Variants in MEFV observed in about 807,000 individuals in gnomAD.
MEFV encodes the protein MEFV innate immunity regulator, pyrin, also known as pyrin.
MEFV carries 60 observed loss-of-function variants against 62.5 expected under a neutral mutation model. The ratio of observed to expected loss-of-function variants is 0.96; its 90% CI spans 0.78 to 1.19. MEFV has a LOEUF of 1.19. Among genes scored for constraint, MEFV ranks in the 50% most tolerant of loss-of-function variants. The probability of loss-of-function intolerance (pLI) is 0.00; values close to 1 mark genes in which losing one functional copy is unlikely to be tolerated. For synonymous variants in MEFV, 500 were observed against 415.2 expected, an observed-to-expected ratio of 1.20 and a Z score of -2.48; for missense variants, 1,169 against 1,004.5, an observed-to-expected ratio of 1.16 and a Z score of -2.21.
At chr16:3,253,978 T>A (rs903629215) in intron 2 of MEFV, among the ~76,000 whole-genome samples, 180 bp downstream of exon 2, 16 of 151,968 alleles carry the variant, frequency 1.1e-4, no homozygotes, top group African/African-American at 3.9e-4. Context: ...TTTTTTTAAT[T>A]TCGTTTATAG....
chr16:3,243,411 T>C lies in MEFV; in HGVS notation c.2076A>G (p.Ile692Met). Residue 692 changes from isoleucine to methionine, a missense_variant, in exon 10 of 10, where the codon ATA becomes ATG. Coordinates refer to ENST00000219596, the MANE Select transcript of MEFV (RefSeq NM_000243.3). ...LSPENGYWVV[I>M]MMKENEYQAS... ...CCTGGTACTCATTTTCCTTCATCATTATCACCACCCAGTAGCCATTCTCTG... is the reference window on the plus strand; with the variant it reads ...CCTGGTACTCATTTTCCTTCATCATCATCACCACCCAGTAGCCATTCTCTG... 1 of 1,614,148 alleles carries C rather than the reference T, an allele frequency of 6.2e-7. No homozygotes were observed. The highest frequency in any genetic ancestry group is 8.5e-7 in the Non-Finnish European group (1 of 1,180,032).
At chr16:3,247,504 G>A (rs1426605652) in intron 4 of MEFV, 11 of 533,490 alleles carry the variant, frequency 2.1e-5, no homozygotes, top group African/African-American at 3.8e-5. Context: ...AAATTTACAC[G>A]TTGAAGCCCT....
In MEFV at chr16:3,249,551, C is replaced by T. The variant is rs2141671739; in HGVS notation, c.1140G>A (p.Lys380=). The part of the protein sequence containing the change: ...QPLPQCKRHL[K]QVQLLFCEDH... ...CCTCACAGAAGAGCAGCTGGACCTG[C>T]TTCAGGTGGCGCTTACACTGTGGCA... The change falls in exon 3 of 10, where the codon AAG becomes AAA. Residue 380 remains lysine, a synonymous_variant. Transcript: ENST00000219596. 6.2e-7 allele frequency: 1 copy of T among 1,614,240 alleles called. No homozygotes were observed. The highest frequency in any genetic ancestry group is 8.5e-7 in the Non-Finnish European group (1 of 1,180,038).
rs1294106083 is a variant in MEFV at position 3,254,165 on chromosome 16, C to A, written c.903G>T (p.Ser301=). Residue 301 remains serine, a synonymous_variant, in exon 2 of 10, where the codon TCG becomes TCT. Coordinates refer to ENST00000219596, the MANE Select transcript of MEFV (RefSeq NM_000243.3). The part of the protein sequence containing the change: ...LKEGPGNPEH[S]VTGRPPDTAA... ...GGAAAGAACACAATTTACCGGTGAC[C>A]GAATGTTCTGGATTTCCAGGGCCTT... 6.2e-7 allele frequency: 1 copy of A among 1,614,018 alleles called. No homozygotes were observed. Among genetic ancestry groups the A allele is most frequent in the Non-Finnish European group, 8.5e-7 (1 of 1,180,030 alleles).
chr16:3,249,744 T>C lies in MEFV; in HGVS notation c.947A>G (p.His316Arg). ...PPDTAASPRC[H>R]AQEGDPVDGT... The stretch of plus-strand genomic sequence containing the variant: ...GTCAACTGGGTCTCCTTCCTGGGCG[T>C]GGCAGCGGGGACTCGCAGCCGTGTC... The change falls in exon 3 of 10, where the codon CAC becomes CGC. Residue 316 changes from histidine (H) to arginine (R), a missense_variant. Physicochemically the swap from His to Arg is conservative, Grantham distance 29. Transcript: ENST00000219596. 1 of 1,614,094 alleles carries C rather than the reference T, an allele frequency of 6.2e-7. No individual in the cohort carries two copies. Among genetic ancestry groups the C allele is most frequent in the African/African-American group, 1.3e-5 (1 of 75,058 alleles).
chr16:3,244,417 T>C, intron 7 of MEFV, 56 bp downstream of exon 7: 1 of 1,595,802 alleles, frequency 6.3e-7, no homozygotes, highest in Middle Eastern at 1.8e-4. Flanking sequence ...CTGGGCTATG[T>C]GGATCTTAGG....
At position 3,256,551 on chromosome 16, in the gene MEFV, G is replaced by C. The variant is rs139448379; in HGVS notation, c.37C>G (p.Leu13Val). 4.0e-4 allele frequency: 640 copies of C among 1,614,236 alleles called. 10 individuals carry two copies. Among genetic ancestry groups the C allele is most frequent in the Non-Finnish European group, 2.4e-5 (28 of 1,180,044 alleles). ...AAGTCATAGGGCACCAGCTCCTCCA[G>C]GGTGGACAGCAGATGGTCACTAGGG... ...KTPSDHLLSTLEELVPYDFEK... is the reference protein window; with the variant it reads ...KTPSDHLLSTVEELVPYDFEK... The change falls in exon 1 of 10, where the codon CTG (leucine) becomes GTG (valine). Residue 13 changes from leucine (L) to valine (V), a missense_variant. By Grantham distance (32) the Leu-to-Val change is conservative. Coordinates refer to ENST00000219596, the MANE Select transcript of MEFV (RefSeq NM_000243.3).
intron 2 of MEFV, 44 bp from the exon 3 acceptor site, chr16:3,249,824 G>A (rs752517304): frequency 1.3e-6 from 2 of 1,536,828 alleles, no homozygotes; most frequent in East Asian, 4.6e-5. Context: ...GCAAACCCAA[G>A]TTGCTTACAC....
rs1958878182 is a variant in MEFV at position 3,242,908 on chromosome 16, T to C, written c.*233A>G. On this transcript the variant is annotated 3_prime_UTR_variant, in exon 10 of 10. Transcript: ENST00000219596. ...GCGGATTATGCAACGACTCCGTACTTCCTCCTCTGAAATCCATGGTGTGTC... is the reference window on the plus strand; with the variant it reads ...GCGGATTATGCAACGACTCCGTACTCCCTCCTCTGAAATCCATGGTGTGTC... 3 of 570,458 alleles carry C rather than the reference T, an allele frequency of 5.3e-6. No homozygotes were observed. In the African/African-American group the frequency reaches 5.6e-5, roughly 11 times the overall value. 35.3% of individuals were successfully genotyped at this position (570,458 alleles called of 1,614,324 possible). A position where few individuals can be genotyped will look rare whatever the true frequency, so the allele number is the denominator to read the frequency against.
Position 3,247,296 on chromosome 16 carries a change from G to A in MEFV, c.1357-50C>T, listed in dbSNP as rs377278477. 69 of 1,551,740 alleles carry A rather than the reference G, an allele frequency of 4.4e-5. No individual in the cohort carries two copies. In the African/African-American group the frequency reaches 6.5e-4, roughly 15 times the overall value. Reference sequence around the variant, plus strand: ...ATGGGGGTCTGTGCTGTGGGTGGACGTGGATGTCCAGGAACCCCCAGAAGC... The same window carrying A: ...ATGGGGGTCTGTGCTGTGGGTGGACATGGATGTCCAGGAACCCCCAGAAGC... On this transcript the variant is annotated intron_variant, in intron 4 of 9. Coordinates refer to ENST00000219596, the MANE Select transcript of MEFV (RefSeq NM_000243.3).
chr16:3,253,538 G>A (rs1959068700), intron 2 of MEFV, among the ~76,000 whole-genome samples: 1 of 152,086 alleles, frequency 6.6e-6, no homozygotes, highest in African/African-American at 2.4e-5. Context: ...TTAAGAGACA[G>A]GGTCTTGCTC....
Position 3,251,224 on chromosome 16 carries a change from C to G in MEFV, c.911-1444G>C, listed in dbSNP as rs569103582. On this transcript the variant is annotated intron_variant, in intron 2 of 9. Coordinates refer to ENST00000219596, the MANE Select transcript of MEFV (RefSeq NM_000243.3). ...TTCCCTGTTTCCCTGCCTCCCATTG[C>G]CCCCCAAATGCCCTGCATTTCTCAG... is the stretch of plus-strand genomic sequence containing the variant. 3.3e-5 allele frequency among the ~76,000 whole-genome samples: 5 copies of G among 152,142 alleles called. No homozygotes were observed. The South Asian group carries it at 8.3e-4, about 25-fold the overall frequency.
At position 3,254,375 on chromosome 16, in the gene MEFV, C is replaced by G. The variant is rs1046285754; in HGVS notation, c.693G>C (p.Val231=). 4 of 1,614,082 alleles carry G rather than the reference C, an allele frequency of 2.5e-6. No homozygotes were observed. In the African/African-American group the frequency reaches 5.3e-5, roughly 22 times the overall value. ...GTCGCATCTTTCCCGAGGGCAGGTA[C>G]ACTTCGAAGGGCCTGCACTCCTTCT... ...PGQKECRPFE[V]YLPSGKMRPR... Residue 231 remains valine, a synonymous_variant, in exon 2 of 10, where the codon GTG becomes GTC. Transcript: ENST00000219596.
At chr16:3,252,026 G>A (rs1232821519) in intron 2 of MEFV, 2 of 404,778 alleles carry the variant, frequency 4.9e-6, no homozygotes, top group Middle Eastern at 7.4e-4. Flanking sequence ...AGACCAACCT[G>A]GGCAACATAG....
rs144270019 is a variant in MEFV, at chr16:3,247,071, G to A, written c.1532C>T (p.Ala511Val). ...CTTGGCCTCCAGTTCCCCAATCAGC[G>A]CATCGAGCAGGGCGATGTCCTGGGA... Reference protein sequence around the residue: ...RVSQDIALLDALIGELEAKEC... With the variant: ...RVSQDIALLDVLIGELEAKEC... Residue 511 changes from alanine to valine, a missense_variant, in exon 5 of 10, where the codon GCG becomes GTG. By Grantham distance (64) the Ala-to-Val change is moderately conservative. Coordinates refer to ENST00000219596, the MANE Select transcript of MEFV (RefSeq NM_000243.3). The A allele has an allele frequency of 4.0e-5, 65 of 1,614,040 alleles. No homozygotes were observed. The highest frequency in any genetic ancestry group is 5.2e-5 in the Non-Finnish European group (61 of 1,180,034).
At chr16:3,249,899 C>G in intron 2 of MEFV, 119 bp from the exon 3 acceptor site, 1 of 828,206 alleles carries the variant, frequency 1.2e-6, no homozygotes, top group East Asian at 2.7e-5. Context: ...CAGTTAGACT[C>G]TGCCCACTTC....
rs752951110 is a variant in MEFV at position 3,254,392 on chromosome 16, A to T, written c.676T>A (p.Cys226Ser). 1.2e-6 allele frequency: 2 copies of T among 1,613,412 alleles called. No individual in the cohort carries two copies. Among genetic ancestry groups the T allele is most frequent in the South Asian group, 1.1e-5 (1 of 91,074 alleles). The change falls in exon 2 of 10, where the codon TGC becomes AGC. Residue 226 changes from cysteine to serine, a missense_variant. Coordinates refer to ENST00000219596, the MANE Select transcript of MEFV (RefSeq NM_000243.3). ...GGCAGGTACACTTCGAAGGGCCTGCACTCCTTCTGCCCCGGGGCGCCCCCC... is the reference window on the plus strand; with the variant it reads ...GGCAGGTACACTTCGAAGGGCCTGCTCTCCTTCTGCCCCGGGGCGCCCCCC... Reference protein sequence around the residue: ...LAGGAPGQKECRPFEVYLPSG... With the variant: ...LAGGAPGQKESRPFEVYLPSG...
Position 3,254,702 on chromosome 16 carries a change from G to A in MEFV, c.366C>T (p.Asp122=), listed in dbSNP as rs1407541437. 1 of 1,612,764 alleles carries A rather than the reference G, an allele frequency of 6.2e-7. No homozygotes were observed. The highest frequency in any genetic ancestry group is 8.5e-7 in the Non-Finnish European group (1 of 1,179,996). Residue 122 remains aspartate (D), a synonymous_variant, in exon 2 of 10, where the codon GAC becomes GAT. Coordinates refer to ENST00000219596, the MANE Select transcript of MEFV (RefSeq NM_000243.3). ...ENKPRSLKTP[D]HPEGNEGNGP... is the part of the protein sequence containing the mutation. ...CGTTCCCCTCGTTCCCCTCGGGGTGGTCTGGAGTCTTCAGGCTCCTGGGCT... is the reference window on the plus strand; with the variant it reads ...CGTTCCCCTCGTTCCCCTCGGGGTGATCTGGAGTCTTCAGGCTCCTGGGCT...
In MEFV at chr16:3,243,557, C is replaced by G; in HGVS notation, c.1930G>C (p.Gly644Arg). 6.2e-7 allele frequency: 1 copy of G among 1,612,560 alleles called. No individual in the cohort carries two copies. Among genetic ancestry groups the G allele is most frequent in the Non-Finnish European group, 8.5e-7 (1 of 1,179,110 alleles). ...CGGCCAGAGAGGAAACTCGGAGAGC[C>G]CAGAACAATGATACAGCTGTCAAAT... Reference protein sequence around the residue: ...QRFDSCIIVLGSPSFLSGRRY... With the variant: ...QRFDSCIIVLRSPSFLSGRRY... The change falls in exon 10 of 10, where the codon GGC (glycine) becomes CGC (arginine). Residue 644 changes from glycine (G) to arginine (R), a missense_variant. Coordinates refer to ENST00000219596, the MANE Select transcript of MEFV (RefSeq NM_000243.3).
Sources: gnomAD v4.1 joint callset for allele counts (sites outside exome capture counted in the v4.1 genomes callset) on GRCh38, gnomAD v4.1.1 for gene constraint, MANE v1.5 for transcripts, NCBI Gene and HGNC (gene_info 2026-07-23, HGNC 2026-07-21) for gene names.